Variants in KLRF1 observed in about 807,000 individuals in gnomAD.
KLRF1 encodes the protein killer cell lectin-like receptor subfamily F member 1.
Under a neutral mutation model 30.7 loss-of-function variants are expected in KLRF1, and 27 were observed. The observed-to-expected ratio is 0.88, with a 90% CI of 0.65 to 1.21. The LOEUF is 1.21. KLRF1 is among the 50% of genes most tolerant of loss of function. The pLI is 0.00. For synonymous variants in KLRF1, 92 were observed against 89.3 expected (o/e 1.03, Z -0.17); for missense variants, 246 against 259.3 (o/e 0.95, Z 0.35).
intron 3 of KLRF1, among the ~76,000 whole-genome samples, chr12:9,836,430 C>G (rs1435631994): frequency 6.6e-6 from 1 of 152,116 alleles, no homozygotes; most frequent in Non-Finnish European, 1.5e-5. Flanking sequence ...AACCGCCAGT[C>G]TTAACTCCCT....
chr12:9,809,987 T>C, the KLRF1 span, among the ~76,000 whole-genome samples: 1 of 152,164 alleles, frequency 6.6e-6, no homozygotes, highest in Admixed American at 6.5e-5. Context: ...GCAAGGTTGA[T>C]AAATCTGCAA....
chr12:9,836,384 A>G (rs1191177506), intron 3 of KLRF1, among the ~76,000 whole-genome samples: 1 of 152,016 alleles, frequency 6.6e-6, no homozygotes, highest in African/African-American at 2.4e-5. Flanking sequence ...TGTTTTTCCA[A>G]GCCATCACAG....
upstream of KLRF1, among the ~76,000 whole-genome samples, chr12:9,823,017 G>T (rs1867244321): frequency 6.6e-6 from 1 of 152,002 alleles, no homozygotes; most frequent in Non-Finnish European, 1.5e-5. Context: ...ATAATAGTGG[G>T]AGACTTTAAC....
At chr12:9,835,610 C>T (rs1374149178) in intron 3 of KLRF1, among the ~76,000 whole-genome samples, 3 of 152,002 alleles carry the variant, frequency 2.0e-5, no homozygotes. Flanking sequence ...TTAAGTTTGC[C>T]AGTATTGATA....
chr12:9,825,038 A>G (rs1867264497), upstream of KLRF1, among the ~76,000 whole-genome samples: 1 of 152,186 alleles, frequency 6.6e-6, no homozygotes, highest in Non-Finnish European at 1.5e-5. Context: ...AAATGGTCAT[A>G]TTGCCCAAAG....
In KLRF1 at chr12:9,835,363, A is replaced by G. The variant is rs189839457; in HGVS notation, c.334+1911A>G. ...GGATCCAGCTAGGGCGGCAGCCACC[A>G]GAGGTTGTAATGGGGACTGGTGGGG... On this transcript the variant is annotated intron_variant, in intron 3 of 5. Coordinates refer to ENST00000617889, the MANE Select transcript of KLRF1 (RefSeq NM_016523.3). Among the ~76,000 whole-genome samples, 10 of 152,132 alleles carry G rather than the reference A, an allele frequency of 6.6e-5. No individual in the cohort carries two copies. In the East Asian group the frequency reaches 1.9e-3, roughly 30 times the overall value.
the KLRF1 span, among the ~76,000 whole-genome samples, chr12:9,806,348 T>G: frequency 6.6e-6 from 1 of 152,142 alleles, no homozygotes; most frequent in Admixed American, 6.5e-5. Flanking sequence ...TCAAAAATTC[T>G]ATCTTTTTTG....
At chr12:9,809,317 T>C in the KLRF1 span, among the ~76,000 whole-genome samples, 4 of 152,278 alleles carry the variant, frequency 2.6e-5, no homozygotes, top group African/African-American at 7.2e-5. Flanking sequence ...GGGACTTTTT[T>C]CCTCCATTCC....
chr12:9,811,550 A>C, the KLRF1 span, among the ~76,000 whole-genome samples: 136 of 152,300 alleles, frequency 8.9e-4, no homozygotes, highest in African/African-American at 3.2e-3. Flanking sequence ...AAGCAGATCC[A>C]ATCCAAGCTG....
upstream of KLRF1, among the ~76,000 whole-genome samples, chr12:9,826,731 G>T (rs1211029800): frequency 6.6e-6 from 1 of 152,168 alleles, no homozygotes; most frequent in Non-Finnish European, 1.5e-5. Flanking sequence ...GAACATAGAT[G>T]AAGCTAGAGG....
chr12:9,841,695 G>T, intron 3 of KLRF1, 117 bp from the exon 4 acceptor site: 1 of 694,854 alleles, frequency 1.4e-6, no homozygotes. Context: ...TTTGCTATAA[G>T]TGATTTTATT....
At chr12:9,804,573 C>T in the KLRF1 span, among the ~76,000 whole-genome samples, 54 of 151,940 alleles carry the variant, frequency 3.6e-4, no homozygotes, top group Non-Finnish European at 7.1e-4. Context: ...TTTTCTGTTA[C>T]TTTAGGTTGT....
At chr12:9,835,541 G>C (rs753031930) in intron 3 of KLRF1, among the ~76,000 whole-genome samples, 1 of 152,072 alleles carries the variant, frequency 6.6e-6, no homozygotes, top group African/African-American at 2.4e-5. Context: ...GAAGGTAGCC[G>C]AGGATGGAGT....
chr12:9,831,837 T>C (rs1867434690), intron 1 of KLRF1, among the ~76,000 whole-genome samples: 1 of 152,154 alleles, frequency 6.6e-6, no homozygotes, highest in East Asian at 1.9e-4. Context: ...TTAGGGTTTT[T>C]TTGATTAAAA....
At chr12:9,841,426 T>C (rs919610034) in intron 3 of KLRF1, among the ~76,000 whole-genome samples, 15 of 152,158 alleles carry the variant, frequency 9.9e-5, no homozygotes, top group Non-Finnish European at 2.1e-4. Flanking sequence ...AATTTACCTA[T>C]GTAACAAACC....
the KLRF1 span, among the ~76,000 whole-genome samples, chr12:9,804,738 G>T: frequency 6.6e-6 from 1 of 151,948 alleles, no homozygotes; most frequent in African/African-American, 2.4e-5. Flanking sequence ...AAAGCCTCAA[G>T]TCTGTTATAC....
rs1867307500 is a variant in KLRF1 at position 9,827,534 on chromosome 12, TCA to T, written c.-8_-7del. ...CATACCTGTATACACACACATTCAC[TCA>T]CATTGAAGATGCAAGATGAAGAAAG... On this transcript the variant is annotated 5_prime_UTR_variant, in exon 1 of 6. It removes the in-frame stop codon of an upstream open reading frame in the 5' UTR. Coordinates refer to ENST00000617889, the MANE Select transcript of KLRF1 (RefSeq NM_016523.3). The T allele has an allele frequency of 1.3e-6, 2 of 1,550,138 alleles. No individual in the cohort carries two copies. Among genetic ancestry groups the T allele is most frequent in the Non-Finnish European group, 1.8e-6 (2 of 1,125,798 alleles).
chr12:9,843,737 G>A lies in KLRF1; in HGVS notation c.588-681G>A, dbSNP rs80201733. 7.7e-3 allele frequency among the ~76,000 whole-genome samples: 1,167 copies of A among 152,028 alleles called. 10 individuals are homozygous for A. Among genetic ancestry groups the A allele is most frequent in the African/African-American group, 0.026 (1,096 of 41,480 alleles). On this transcript the variant is annotated intron_variant, in intron 5 of 5. Coordinates refer to ENST00000617889, the MANE Select transcript of KLRF1 (RefSeq NM_016523.3). ...CAATACAAAATTTAAAACTAAACTC[G>A]GACAAAGTGTATTTTCTAATATGAA...
chr12:9,825,841 C>T (rs1011623100), upstream of KLRF1, among the ~76,000 whole-genome samples: 14 of 152,088 alleles, frequency 9.2e-5, no homozygotes, highest in Admixed American at 6.6e-4. Context: ...TAAACAACCC[C>T]ATTAAAAAGT....
Sources: gnomAD v4.1 joint callset for allele counts (sites outside exome capture counted in the v4.1 genomes callset) on GRCh38, gnomAD v4.1.1 for gene constraint, MANE v1.5 for transcripts, NCBI Gene and HGNC (gene_info 2026-07-23, HGNC 2026-07-21) for gene names.